The following INTS13 variants were observed in gnomAD, a reference collection of about 807,000 sequenced individuals.
INTS13 encodes the protein integrator complex subunit 13, also known as asunder, spermatogenesis regulator homolog (Drosphila).
In INTS13, 35 loss-of-function variants were observed where a neutral mutation model predicts 90.2. The observed-to-expected ratio is 0.39, with a 90% confidence interval of 0.30 to 0.51. INTS13 has a LOEUF of 0.51. Among genes scored for constraint, INTS13 ranks in the 20% least tolerant of loss-of-function variants. The pLI, the probability that INTS13 is intolerant of heterozygous loss-of-function variation, is 0.80. For synonymous variants in INTS13, 309 were observed against 277.1 expected (o/e 1.11, Z -1.14); for missense variants, 601 against 851.2 (o/e 0.71, Z 3.66).
At position 26,913,492 on chromosome 12, in the gene INTS13, A is replaced by C; in HGVS notation, c.1770T>G (p.Asp590Glu). 1 of 1,614,100 alleles carries C rather than the reference A, an allele frequency of 6.2e-7. No homozygotes were observed. Among genetic ancestry groups the C allele is most frequent in the Non-Finnish European group, 8.5e-7 (1 of 1,180,008 alleles). ...KEDKSEKAVK[D>E]YEQEKSWQDS... Reference sequence around the variant, plus strand: ...CTTGCCAAGACTTTTCCTGTTCATAATCTTTCACTGCTTTCTCTGACTTGT... The same window carrying C: ...CTTGCCAAGACTTTTCCTGTTCATACTCTTTCACTGCTTTCTCTGACTTGT... The change falls in exon 14 of 17, where the codon GAT becomes GAG. Residue 590 changes from aspartate to glutamate, a missense_variant. Asp to Glu is a conservative substitution (Grantham distance 45). This residue lies in a region of INTS13 where 228 missense variants were observed against 272.5 expected (regional missense o/e 0.84). Transcript: ENST00000261191.
At chr12:26,917,569 A>G (rs1457899405) in intron 9 of INTS13, 75 bp downstream of exon 9, 4 of 1,397,802 alleles carry the variant, frequency 2.9e-6, no homozygotes, top group East Asian at 4.6e-5. Context: ...AATGCAAAAC[A>G]GAATAAATTG....
intron 11 of INTS13, among the ~76,000 whole-genome samples, chr12:26,914,990 G>A (rs1303498626): frequency 6.6e-6 from 1 of 152,124 alleles, no homozygotes; most frequent in African/African-American, 2.4e-5. Flanking sequence ...ACTTCAGGAG[G>A]CCAAGACAGG....
chr12:26,911,233 T>C lies in INTS13; in HGVS notation c.1890A>G (p.Pro630=), dbSNP rs756198613. 24 of 1,613,978 alleles carry C rather than the reference T, an allele frequency of 1.5e-5. No homozygotes were observed. In the Admixed American group the frequency reaches 2.3e-4, roughly 16 times the overall value. The change falls in exon 15 of 17, where the codon CCA becomes CCG. Residue 630 remains proline (P), a synonymous_variant. Transcript: ENST00000261191. ...IKDSPDSPEP[P]NKKPLVEMDE... ...CCATTTCAACAAGGGGTTTTTTGTT[T>C]GGAGGTTCTGGGGAATCAGGCGAAT...
In INTS13 at chr12:26,910,766, A is replaced by G. The variant is rs533178599; in HGVS notation, c.1945+412T>C. Among the ~76,000 whole-genome samples the G allele has an allele frequency of 4.6e-5, 7 of 152,324 alleles. 1 individual carries two copies. The highest frequency in any genetic ancestry group is 3.4e-3 in the Middle Eastern group (1 of 294). On this transcript the variant is annotated intron_variant, in intron 15 of 16. Transcript: ENST00000261191. Reference sequence around the variant, plus strand: ...GAGAATGTCCTAAACAACACCCACAAATACTTAAGAACTCTTCCTCACATA... The same window carrying G: ...GAGAATGTCCTAAACAACACCCACAGATACTTAAGAACTCTTCCTCACATA...
At position 26,936,653 on chromosome 12, in the gene INTS13, A is replaced by G. The variant is rs757254161; in HGVS notation, c.151T>C (p.Leu51=). 8.1e-5 allele frequency: 130 copies of G among 1,613,526 alleles called. 1 individual carries two copies. The highest frequency in any genetic ancestry group is 1.2e-4 in the Admixed American group (7 of 59,996). The change falls in exon 2 of 17, where the codon TTG becomes CTG. Residue 51 remains leucine (L), a synonymous_variant. Transcript: ENST00000261191. The part of the protein sequence containing the change: ...IIPLAPISKS[L]WTCSVESSME... The stretch of plus-strand genomic sequence containing the variant: ...GAAGATTCTACTGAGCAAGTCCACA[A>G]TGATTTAGATATGGGGGCCAAAGGA...
chr12:26,938,009 A>ACACACG (rs552231888), upstream of INTS13: 1,805 of 152,578 alleles, frequency 0.012, 17 homozygotes, highest in South Asian at 0.04. Flanking sequence ...ACACACACAC[A>ACACACG]CGCACTCGGG....
chr12:26,917,798 A>G (rs1951984078), intron 8 of INTS13, 65 bp from the exon 9 acceptor site: 1 of 1,119,000 alleles, frequency 8.9e-7, no homozygotes, highest in South Asian at 1.3e-5. Context: ...ACTGTATCCC[A>G]TAAATATGTA....
intron 3 of INTS13, among the ~76,000 whole-genome samples, chr12:26,933,527 C>T (rs943215597): frequency 8.5e-5 from 13 of 152,082 alleles, no homozygotes; most frequent in Admixed American, 2.0e-4. Flanking sequence ...ATTTCCAACA[C>T]GGAATTTCTA....
chr12:26,916,009 C>T lies in INTS13; in HGVS notation c.1241G>A (p.Arg414Gln). The change falls in exon 11 of 17, where the codon CGG becomes CAG. Residue 414 changes from arginine (R) to glutamine (Q), a missense_variant. By Grantham distance (43) the Arg-to-Gln change is conservative. This residue lies in a region of INTS13 where 89 missense variants were observed against 191.0 expected (regional missense o/e 0.47). Transcript: ENST00000261191. ...EGCGGRVTDYRITDFGEFMRE... is the reference protein window; with the variant it reads ...EGCGGRVTDYQITDFGEFMRE... ...TAGATATTAGAGTCTTACTGTAATC[C>T]GGTAGTCTGTAACTCTTCCTCCACA... is the stretch of plus-strand genomic sequence containing the variant. 1 of 1,610,166 alleles carries T rather than the reference C, an allele frequency of 6.2e-7. No homozygotes were observed. The highest frequency in any genetic ancestry group is 8.5e-7 in the Non-Finnish European group (1 of 1,178,130).
intron 5 of INTS13, among the ~76,000 whole-genome samples, chr12:26,927,472 CTG>C (rs1937943278): frequency 1.3e-5 from 2 of 152,110 alleles, no homozygotes; most frequent in Admixed American, 1.3e-4. Flanking sequence ...GGAAAAAAAA[CTG>C]TTTTCCTTTT....
chr12:26,918,950 C>G, intron 8 of INTS13: 1 of 210,456 alleles, frequency 4.8e-6, no homozygotes, highest in Non-Finnish European at 1.1e-5. Context: ...GGGAGGATTG[C>G]TAGGAGGTCA....
chr12:26,922,661 C>T lies in INTS13; in HGVS notation c.844G>A (p.Glu282Lys). The T allele has an allele frequency of 6.3e-7, 1 of 1,586,274 alleles. No homozygotes were observed. Among genetic ancestry groups the T allele is most frequent in the Non-Finnish European group, 8.6e-7 (1 of 1,165,818 alleles). The change falls in exon 8 of 17, where the codon GAG becomes AAG. Residue 282 changes from glutamate to lysine, a missense_variant. Coordinates refer to ENST00000261191, the MANE Select transcript of INTS13 (RefSeq NM_018164.3). ...TGTGCATCTTTGTGATGAAGTAGCT[C>T]CACATCATAATTGGCAGATGTGTTA... ...HANTSANYDV[E>K]LLHHKDAHVD...
intron 10 of INTS13, 36 bp downstream of exon 10, chr12:26,917,316 T>A: frequency 1.3e-6 from 1 of 746,326 alleles, no homozygotes; most frequent in Non-Finnish European, 2.0e-6. Flanking sequence ...ATAATATAAA[T>A]AATTTCAGTC....
rs1951860391 is a variant in INTS13 at position 26,913,874 on chromosome 12, A to G, written c.1574+100T>C. 1.3e-5 allele frequency: 15 copies of G among 1,198,384 alleles called. No homozygotes were observed. In the South Asian group the frequency reaches 2.1e-4, roughly 17 times the overall value. 74.2% of individuals were successfully genotyped at this position (1,198,384 alleles called of 1,614,324 possible). Reference sequence around the variant, plus strand: ...TTTCATCTCAAATATATATATAAACATGTCCTCAAATAGAATTTACATATG... The same window carrying G: ...TTTCATCTCAAATATATATATAAACGTGTCCTCAAATAGAATTTACATATG... On this transcript the variant is annotated intron_variant, in intron 13 of 16. Transcript: ENST00000261191.
intron 11 of INTS13, 121 bp from the exon 12 acceptor site, chr12:26,914,699 T>G: frequency 1.4e-6 from 1 of 721,900 alleles, no homozygotes; most frequent in Non-Finnish European, 2.2e-6. Flanking sequence ...ACATTTTTTC[T>G]AACAGTATCC....
At position 26,925,519 on chromosome 12, in the gene INTS13, T is replaced by A. The variant is rs941396039; in HGVS notation, c.675+242A>T. Reference sequence around the variant, plus strand: ...AGGAACAATACAAACTATGTATGGTTTGTAACACATTTTGATAAAATAAAC... The same window carrying A: ...AGGAACAATACAAACTATGTATGGTATGTAACACATTTTGATAAAATAAAC... On this transcript the variant is annotated intron_variant, in intron 6 of 16. Coordinates refer to ENST00000261191, the MANE Select transcript of INTS13 (RefSeq NM_018164.3). Among the ~76,000 whole-genome samples the A allele has an allele frequency of 2.6e-5, 4 of 152,130 alleles. No individual in the cohort carries two copies. In the East Asian group the frequency reaches 7.7e-4, roughly 29 times the overall value.
chr12:26,912,978 G>A (rs991966849), intron 14 of INTS13, among the ~76,000 whole-genome samples: 5 of 152,026 alleles, frequency 3.3e-5, no homozygotes, highest in African/African-American at 4.8e-5. Context: ...TGATCCACCC[G>A]CCTCGGCCTC....
At position 26,905,286 on chromosome 12, in the gene INTS13, T is replaced by C. The variant is rs1406291594; in HGVS notation, c.*211A>G. ...CACTTTATACCATAAAATAAACTTG[T>C]ATAATTTGGGAGGACAAATCATCTC... On this transcript the variant is annotated 3_prime_UTR_variant, in exon 17 of 17. Transcript: ENST00000261191. 4 of 503,400 alleles carry C rather than the reference T, an allele frequency of 7.9e-6. No individual in the cohort carries two copies. The highest frequency in any genetic ancestry group is 3.1e-5 in the South Asian group (1 of 32,506). The allele number at this position is 503,400 out of a possible 1,614,324, so 31.2% of individuals were successfully genotyped here.
chr12:26,935,396 C>A (rs149224275), intron 2 of INTS13, among the ~76,000 whole-genome samples: 146 of 152,322 alleles, frequency 9.6e-4, no homozygotes, highest in African/African-American at 3.4e-3. Context: ...AATCTATGAT[C>A]TTTTTCCCTA....
Sources: gnomAD v4.1 joint callset for allele counts (sites outside exome capture counted in the v4.1 genomes callset) on GRCh38, gnomAD v4.1.1 for gene constraint, gnomAD v4.1.1 regional missense constraint, MANE v1.5 for transcripts, NCBI Gene and HGNC (gene_info 2026-07-23, HGNC 2026-07-21) for gene names.